HMGA2: variants seen among roughly 807,000 people sequenced by gnomAD.
HMGA2 encodes high mobility group protein HMGI-C.
Under a neutral mutation model 19.1 loss-of-function variants are expected in HMGA2, and 8 were observed. The ratio of observed to expected loss-of-function variants is 0.42; its 90% CI spans 0.25 to 0.76. The LOEUF is 0.76. HMGA2 is among the 30% of genes least tolerant of loss of function. The probability of loss-of-function intolerance (pLI) is 0.28; values close to 1 mark genes in which losing one functional copy is unlikely to be tolerated. For missense variants in HMGA2, 109 were observed against 136.3 expected, an observed-to-expected ratio of 0.80 and a Z score of 1.00; for synonymous variants, 60 against 48.8, an observed-to-expected ratio of 1.23 and a Z score of -0.96.
rs1033511273 is a variant in HMGA2, at chr12:65,964,820, G to A, written c.*1528G>A. 10 of 193,024 alleles carry A rather than the reference G, an allele frequency of 5.2e-5. No individual in the cohort carries two copies. The highest frequency in any genetic ancestry group is 1.9e-4 in the African/African-American group (8 of 42,930). 12.0% of individuals were successfully genotyped at this position (193,024 alleles called of 1,614,324 possible). A position where few individuals can be genotyped will look rare whatever the true frequency, so the allele number is the denominator to read the frequency against. On this transcript the variant is annotated 3_prime_UTR_variant, in exon 5 of 5. Coordinates refer to ENST00000403681, the MANE Select transcript of HMGA2 (RefSeq NM_003483.6). ...AACTTGAAAATTTTTTAACCAAGTCGCTCCTAGGTTCTTAAGGATAATTTT... is the reference window on the plus strand; with the variant it reads ...AACTTGAAAATTTTTTAACCAAGTCACTCCTAGGTTCTTAAGGATAATTTT...
intron 3 of HMGA2, among the ~76,000 whole-genome samples, chr12:65,864,563 T>C (rs1872283767): frequency 6.6e-6 from 1 of 152,184 alleles, no homozygotes; most frequent in African/African-American, 2.4e-5. Context: ...TTGCTATGAA[T>C]GCTCACAATT....
At chr12:65,936,116 A>C (rs1875884582) in intron 3 of HMGA2, among the ~76,000 whole-genome samples, 1 of 152,200 alleles carries the variant, frequency 6.6e-6, no homozygotes, top group African/African-American at 2.4e-5. Context: ...CACTATTATT[A>C]AGCTGTTTTC....
Position 65,825,246 on chromosome 12 carries a change from G to T in HMGA2, c.-25G>T, listed in dbSNP as rs1028456556. 1 of 1,519,282 alleles carries T rather than the reference G, an allele frequency of 6.6e-7. No individual in the cohort carries two copies. Among genetic ancestry groups the T allele is most frequent in the Non-Finnish European group, 8.8e-7 (1 of 1,136,472 alleles). 94.1% of individuals were successfully genotyped at this position (1,519,282 alleles called of 1,614,324 possible). On this transcript the variant is annotated 5_prime_UTR_variant, in exon 1 of 5. Coordinates refer to ENST00000403681, the MANE Select transcript of HMGA2 (RefSeq NM_003483.6). This position sits in a 1 kb window ranked among gnomAD's most constrained non-coding sequence, Gnocchi z 4.4. ...GCGGTCGAGGCGAAGCGGCTGCAGC[G>T]GCGGTAGCGGCGGCGGGAGGCAGGA...
rs1453306411 is a variant in HMGA2 at position 65,874,684 on chromosome 12, A to T, written c.249+36115A>T. Among the ~76,000 whole-genome samples, 4 of 152,282 alleles carry T rather than the reference A, an allele frequency of 2.6e-5. No individual in the cohort carries two copies. The East Asian group carries it at 7.7e-4, about 29-fold the overall frequency. On this transcript the variant is annotated intron_variant, in intron 3 of 4. Coordinates refer to ENST00000403681, the MANE Select transcript of HMGA2 (RefSeq NM_003483.6). The stretch of plus-strand genomic sequence containing the variant: ...CAGAACCACCTTAAGACTTGGCAAG[A>T]TATCTTTTTTAAAAAAATAAAGTAA...
intron 3 of HMGA2, among the ~76,000 whole-genome samples, chr12:65,844,501 T>C (rs1240581567): frequency 6.6e-6 from 1 of 152,210 alleles, no homozygotes; most frequent in Admixed American, 6.5e-5. Flanking sequence ...TTATTTAAAA[T>C]TAAAAGATTA....
At chr12:65,828,288 A>C in intron 2 of HMGA2, 2 of 511,354 alleles carry the variant, frequency 3.9e-6, no homozygotes, top group South Asian at 3.9e-5. Flanking sequence ...GTTTATGAAG[A>C]TACTTAACAG....
intron 4 of HMGA2, among the ~76,000 whole-genome samples, chr12:65,961,307 G>C (rs1215241152): frequency 6.6e-6 from 1 of 152,150 alleles, no homozygotes; most frequent in Non-Finnish European, 1.5e-5. Flanking sequence ...GAAAGGACAG[G>C]GTCACAGGGC....
intron 4 of HMGA2, chr12:65,954,027 G>T (rs1270581821): frequency 6.6e-6 from 1 of 152,144 alleles, no homozygotes; most frequent in Admixed American, 6.5e-5. Context: ...TACATCTAAA[G>T]AAAAGGGCTC....
At chr12:65,953,438 G>C (rs1876520886) in intron 4 of HMGA2, 1 of 152,146 alleles carries the variant, frequency 6.6e-6, no homozygotes, top group African/African-American at 2.4e-5. Context: ...CATAAATTAA[G>C]GGAAAGAAAT....
At chr12:65,937,726 A>G (rs1468606829) in intron 3 of HMGA2, among the ~76,000 whole-genome samples, 1 of 152,192 alleles carries the variant, frequency 6.6e-6, no homozygotes, top group Non-Finnish European at 1.5e-5. Flanking sequence ...TGAAACATAC[A>G]CGTTCTACAA....
intron 3 of HMGA2, among the ~76,000 whole-genome samples, chr12:65,926,338 A>G (rs1875504465): frequency 6.6e-6 from 1 of 152,232 alleles, no homozygotes; most frequent in Non-Finnish European, 1.5e-5. Context: ...TGCATTTGGC[A>G]ATTACTCCAG....
chr12:65,847,592 C>G (rs2583929), intron 3 of HMGA2, among the ~76,000 whole-genome samples: 1 of 152,152 alleles, frequency 6.6e-6, no homozygotes, highest in African/African-American at 2.4e-5. Context: ...AGAGCTCAGA[C>G]TGCCTGGGTT....
At chr12:65,945,139 C>T (rs1019359761) in intron 3 of HMGA2, among the ~76,000 whole-genome samples, 5 of 151,312 alleles carry the variant, frequency 3.3e-5, no homozygotes, top group East Asian at 3.9e-4. Context: ...GTGGAGGCCA[C>T]GTGAATGAGT....
chr12:65,906,217 TAA>T (rs533265845), intron 3 of HMGA2, among the ~76,000 whole-genome samples: 68 of 152,282 alleles, frequency 4.5e-4, no homozygotes, highest in Non-Finnish European at 9.1e-4. Flanking sequence ...AGCCTGCAGC[TAA>T]ACTCATGTCG....
At chr12:65,842,891 A>G (rs974601259) in intron 3 of HMGA2, 3 of 1,250,934 alleles carry the variant, frequency 2.4e-6, no homozygotes, top group Admixed American at 7.6e-5. Flanking sequence ...GCTCAAGAAT[A>G]CAATGAAGTA....
At chr12:65,905,803 G>T (rs1011905185) in intron 3 of HMGA2, among the ~76,000 whole-genome samples, 1 of 152,090 alleles carries the variant, frequency 6.6e-6, no homozygotes, top group Non-Finnish European at 1.5e-5. Context: ...TAAAATTGTT[G>T]AATCTTACTA....
At chr12:65,828,370 T>TGGGGG (rs1329874340) in intron 2 of HMGA2, 9 of 94,280 alleles carry the variant, frequency 9.5e-5, no homozygotes, top group African/African-American at 7.4e-4. Flanking sequence ...AGGAAGGGGT[T>TGGGGG]GCGGGGGGGG....
intron 3 of HMGA2, among the ~76,000 whole-genome samples, chr12:65,862,293 A>ACT (rs1872137443): frequency 6.6e-6 from 1 of 151,012 alleles, no homozygotes; most frequent in Non-Finnish European, 1.5e-5. Flanking sequence ...ACACACACAC[A>ACT]CACACACACA....
chr12:65,881,479 G>T (rs1437016979), intron 3 of HMGA2: 1 of 537,354 alleles, frequency 1.9e-6, no homozygotes, highest in Non-Finnish European at 3.3e-6. Context: ...AAAGGATTAT[G>T]AAGCAATCTT....
Sources: allele counts gnomAD v4.1 joint callset (sites outside exome capture counted in the v4.1 genomes callset), GRCh38; gene constraint gnomAD v4.1.1; non-coding constraint Gnocchi (gnomAD v3.1); transcripts MANE v1.5; gene names NCBI Gene and HGNC (gene_info 2026-07-23, HGNC 2026-07-21).